MALRD1: variants seen among roughly 807,000 people sequenced by gnomAD.
MALRD1 encodes the protein MAM and LDL-receptor class A domain-containing protein 1.
MALRD1 carries 247 observed loss-of-function variants against 242.1 expected under a neutral mutation model. That is an observed-to-expected ratio of 1.02 (90% CI 0.92 to 1.13). The LOEUF is 1.13. Ranked by LOEUF, MALRD1 falls within the 50% of genes most tolerant of loss-of-function variation. MALRD1 has a pLI of 0.00. For missense variants in MALRD1, 2,989 were observed against 2,533.1 expected (o/e 1.18, Z -3.86); for synonymous variants, 995 against 866.6 (o/e 1.15, Z -2.60).
intron 38 of MALRD1, among the ~76,000 whole-genome samples, chr10:19,705,554 T>C (rs898196578): frequency 1.3e-5 from 2 of 152,162 alleles, no homozygotes; most frequent in Non-Finnish European, 2.9e-5. Context: ...ACAATCCTGC[T>C]AAATGTTAAC....
intron 36 of MALRD1, among the ~76,000 whole-genome samples, chr10:19,655,088 A>G (rs1335151878): frequency 1.3e-5 from 2 of 152,204 alleles, no homozygotes; most frequent in African/African-American, 4.8e-5. Flanking sequence ...ATCATGAAGA[A>G]TAGGAATCTG....
At chr10:19,096,346 A>T (rs1836032466) in intron 4 of MALRD1, among the ~76,000 whole-genome samples, 1 of 152,166 alleles carries the variant, frequency 6.6e-6, no homozygotes, top group Non-Finnish European at 1.5e-5. Context: ...GAGTGCTTTA[A>T]ATGTACCAGT....
chr10:19,349,366 T>A (rs1024562157), intron 25 of MALRD1, among the ~76,000 whole-genome samples: 4 of 152,206 alleles, frequency 2.6e-5, no homozygotes, highest in African/African-American at 9.6e-5. Context: ...ATAGTATTAA[T>A]ACATGTTAAA....
chr10:19,627,703 C>T (rs1839716135), intron 36 of MALRD1, among the ~76,000 whole-genome samples: 2 of 146,108 alleles, frequency 1.4e-5, no homozygotes, highest in South Asian at 4.2e-4. Flanking sequence ...AGAGGTTTCG[C>T]AGTGAGCCGA....
chr10:19,462,282 C>T (rs560835811), intron 29 of MALRD1, among the ~76,000 whole-genome samples: 8 of 152,226 alleles, frequency 5.3e-5, no homozygotes, highest in Non-Finnish European at 1.2e-4. Flanking sequence ...GAGCCACTAT[C>T]TACCTGCCCT....
chr10:19,327,585 T>A lies in MALRD1; in HGVS notation c.3599T>A (p.Val1200Asp), dbSNP rs1383387737. 6.5e-7 allele frequency: 1 copy of A among 1,549,846 alleles called. No individual in the cohort carries two copies. Residue 1200 changes from valine (V) to aspartate (D), a missense_variant, in exon 23 of 40, where the codon GTT becomes GAT. Val to Asp is a radical substitution (Grantham distance 152). Transcript: ENST00000454679. The stretch of plus-strand genomic sequence containing the variant: ...TAGGTGCTCATCAAGAAAGATAACG[T>A]TACTTCTAAATTGTGGGCTCAAACT... The part of the protein sequence containing the change: ...SLQVLIKKDN[V>D]TSKLWAQTGQ...
Position 19,734,151 on chromosome 10 carries a change from C to G in MALRD1, c.6391-6C>G. ...CCACCCTTTCAAATGTGTTTTTCTT[C>G]GTCAGAGTTCTGTCTATTCCTTCTC... On this transcript the variant is annotated splice_region_variant and splice_polypyrimidine_tract_variant and intron_variant, in intron 39 of 39. Coordinates refer to ENST00000454679, the MANE Select transcript of MALRD1 (RefSeq NM_001142308.3). 3 of 1,528,788 alleles carry G rather than the reference C, an allele frequency of 2.0e-6. No homozygotes were observed. In the South Asian group the frequency reaches 3.6e-5, roughly 19 times the overall value. The allele number at this position is 1,528,788 out of a possible 1,614,324, so 94.7% of individuals were successfully genotyped here. A position where few individuals can be genotyped will look rare whatever the true frequency, so the allele number is the denominator to read the frequency against.
chr10:19,573,606 T>G (rs1210234654), intron 33 of MALRD1, among the ~76,000 whole-genome samples: 5 of 152,142 alleles, frequency 3.3e-5, no homozygotes, highest in African/African-American at 1.2e-4. Context: ...GAAAAAATTT[T>G]CCTTACGCTT....
rs1363663248 is a variant in MALRD1, at chr10:19,324,037, C to G, written c.3508C>G (p.Leu1170Val). The G allele has an allele frequency of 1.9e-6, 3 of 1,550,752 alleles. No individual in the cohort carries two copies. The highest frequency in any genetic ancestry group is 8.7e-7 in the Non-Finnish European group (1 of 1,146,908). Residue 1170 changes from leucine (L) to valine (V), a missense_variant, in exon 22 of 40, where the codon CTC becomes GTC. By Grantham distance (32) the Leu-to-Val change is conservative. Transcript: ENST00000454679. ...TGACATTCTCACTCCTATCATTTCA[C>G]TCACGGGACCAAAATGTACCTTGGT... ...TADILTPIISLTGPKCTLVFW... is the reference protein window; with the variant it reads ...TADILTPIISVTGPKCTLVFW...
At chr10:19,226,816 A>T (rs1837821061) in intron 18 of MALRD1, among the ~76,000 whole-genome samples, 1 of 152,104 alleles carries the variant, frequency 6.6e-6, no homozygotes, top group African/African-American at 2.4e-5. Flanking sequence ...AAGTGAATTT[A>T]ACAAAGTTGT....
At position 19,721,198 on chromosome 10, in the gene MALRD1, A is replaced by T. The variant is rs79782786; in HGVS notation, c.6315-9508A>T. Among the ~76,000 whole-genome samples the T allele has an allele frequency of 5.3e-5, 8 of 152,306 alleles. No homozygotes were observed. The East Asian group carries it at 1.3e-3, about 26-fold the overall frequency. On this transcript the variant is annotated intron_variant, in intron 38 of 39. Coordinates refer to ENST00000454679, the MANE Select transcript of MALRD1 (RefSeq NM_001142308.3). ...TATAATTAAAAATGGAAACCCCAGA[A>T]TATCTTATTTTTATTGGAATGCTAT... is the stretch of plus-strand genomic sequence containing the variant.
At chr10:19,687,855 A>T (rs1216681722) in intron 36 of MALRD1, among the ~76,000 whole-genome samples, 1 of 152,158 alleles carries the variant, frequency 6.6e-6, no homozygotes, top group Non-Finnish European at 1.5e-5. Context: ...TAATGGAGAA[A>T]ATCACTGTAA....
At chr10:19,201,369 AC>A (rs1836531041) in intron 14 of MALRD1, among the ~76,000 whole-genome samples, 1 of 152,204 alleles carries the variant, frequency 6.6e-6, no homozygotes, top group South Asian at 2.1e-4. Flanking sequence ...ATCTAAGAGG[AC>A]TACAAAGTCA....
chr10:19,550,780 C>T (rs1219770165), intron 32 of MALRD1, among the ~76,000 whole-genome samples: 1 of 152,124 alleles, frequency 6.6e-6, no homozygotes, highest in East Asian at 1.9e-4. Context: ...TCTTTGCTAC[C>T]ATTAATAGTG....
intron 34 of MALRD1, among the ~76,000 whole-genome samples, chr10:19,599,073 A>G (rs12765687): frequency 0.51 from 77,583 of 151,424 alleles, 19,940 homozygotes; most frequent in Non-Finnish European, 0.53. Flanking sequence ...CTTTTTTAAG[A>G]GCAAATGGGA....
chr10:19,406,103 A>G (rs1847092042), intron 28 of MALRD1, among the ~76,000 whole-genome samples: 1 of 152,212 alleles, frequency 6.6e-6, no homozygotes, highest in African/African-American at 2.4e-5. Context: ...AATGATGATT[A>G]TAACATGAGT....
chr10:19,465,744 T>C (rs10764025), intron 29 of MALRD1, among the ~76,000 whole-genome samples: 53,624 of 151,940 alleles, frequency 0.35, 9,533 homozygotes, highest in East Asian at 0.46. Context: ...ATGCTGCCCA[T>C]GCTAGTCTCA....
intron 29 of MALRD1, among the ~76,000 whole-genome samples, chr10:19,452,576 A>T (rs1835389964): frequency 6.6e-6 from 1 of 152,236 alleles, no homozygotes; most frequent in African/African-American, 2.4e-5. Context: ...AGGATTTTCA[A>T]ATTGTTTTTC....
chr10:19,668,806 G>GA (rs201642408), intron 36 of MALRD1, among the ~76,000 whole-genome samples: 3,253 of 151,514 alleles, frequency 0.021, 129 homozygotes, highest in African/African-American at 0.075. Context: ...GGAAAATATG[G>GA]AAAAAAAAGA....
Sources: allele counts gnomAD v4.1 joint callset (sites outside exome capture counted in the v4.1 genomes callset), GRCh38; gene constraint gnomAD v4.1.1; transcripts MANE v1.5; gene names NCBI Gene and HGNC (gene_info 2026-07-23, HGNC 2026-07-21).